The following ACOXL variants were observed in gnomAD, a reference collection of about 807,000 sequenced individuals.
The protein encoded by ACOXL is acyl-CoA oxidase like.
Under a neutral mutation model 71.9 loss-of-function variants are expected in ACOXL, and 70 were observed. That is an observed-to-expected ratio of 0.97 (90% CI 0.80 to 1.19). ACOXL has a LOEUF of 1.19. ACOXL is among the 50% of genes most tolerant of loss of function. The pLI is 0.00. For synonymous variants in ACOXL, 253 were observed against 281.6 expected, an observed-to-expected ratio of 0.90 and a Z score of 1.02; for missense variants, 703 against 736.3, an observed-to-expected ratio of 0.95 and a Z score of 0.52.
At chr2:110,901,642 CCA>C (rs10537484) in intron 10 of ACOXL, among the ~76,000 whole-genome samples, 92,083 of 146,848 alleles carry the variant, frequency 0.63, 28,749 homozygotes, top group Non-Finnish European at 0.66. Flanking sequence ...TATCTCTACG[CCA>C]CACACACACA....
chr2:110,968,318 C>A, intron 12 of ACOXL: 1 of 1,210,130 alleles, frequency 8.3e-7, no homozygotes, highest in South Asian at 1.2e-5. Context: ...TTTTTTGGCT[C>A]CCTGAAGGGA....
intron 14 of ACOXL, among the ~76,000 whole-genome samples, chr2:111,030,434 G>C (rs1410629902): frequency 2.0e-5 from 3 of 152,206 alleles, no homozygotes; most frequent in Non-Finnish European, 4.4e-5. Flanking sequence ...CCCCAGTTAG[G>C]TGTGGATCCC....
chr2:110,904,683 A>G (rs1311357135), intron 10 of ACOXL, among the ~76,000 whole-genome samples: 1 of 152,254 alleles, frequency 6.6e-6, no homozygotes, highest in Non-Finnish European at 1.5e-5. Flanking sequence ...ACACGGGGAA[A>G]CAATAGCATT....
At chr2:110,904,837 G>T (rs915498211) in intron 10 of ACOXL, among the ~76,000 whole-genome samples, 3 of 152,204 alleles carry the variant, frequency 2.0e-5, no homozygotes, top group Non-Finnish European at 4.4e-5. Flanking sequence ...CATAGGATCT[G>T]TCTGTCCTGA....
chr2:110,962,685 G>C (rs771906754), intron 12 of ACOXL, among the ~76,000 whole-genome samples: 3 of 152,242 alleles, frequency 2.0e-5, no homozygotes, highest in Non-Finnish European at 2.9e-5. Flanking sequence ...AAGGTACCTG[G>C]AGATTCAAGA....
intron 9 of ACOXL, among the ~76,000 whole-genome samples, chr2:110,835,654 A>T (rs1690362605): frequency 6.6e-6 from 1 of 152,200 alleles, no homozygotes; most frequent in African/African-American, 2.4e-5. Context: ...CATTAAGAGG[A>T]CATAAAATGT....
At chr2:111,035,355 A>G (rs2065462082) in intron 15 of ACOXL, among the ~76,000 whole-genome samples, 1 of 152,258 alleles carries the variant, frequency 6.6e-6, no homozygotes, top group South Asian at 2.1e-4. Flanking sequence ...TAACTGTTAC[A>G]ATGATAAATC....
intron 15 of ACOXL, among the ~76,000 whole-genome samples, chr2:111,043,969 G>A (rs2065901475): frequency 6.6e-6 from 1 of 152,162 alleles, no homozygotes; most frequent in Non-Finnish European, 1.5e-5. Context: ...TTCCCTACCA[G>A]GAAGGAGCCT....
intron 16 of ACOXL, among the ~76,000 whole-genome samples, chr2:111,088,403 T>C (rs1574723894): frequency 6.6e-6 from 1 of 152,310 alleles, no homozygotes; most frequent in East Asian, 1.9e-4. Flanking sequence ...TAAATGCCCA[T>C]TAATGGTAGG....
At chr2:111,105,094 CT>C (rs2069444139) in intron 17 of ACOXL, among the ~76,000 whole-genome samples, 1 of 152,064 alleles carries the variant, frequency 6.6e-6, no homozygotes, top group African/African-American at 2.4e-5. Context: ...GTTGAAAAGG[CT>C]ATATTTCCCA....
At chr2:110,841,705 G>C (rs10210955) in intron 10 of ACOXL, among the ~76,000 whole-genome samples, 69,438 of 151,954 alleles carry the variant, frequency 0.46, 16,315 homozygotes, top group South Asian at 0.55. Context: ...CTTAAAGAGT[G>C]CCTGAAAACG....
chr2:110,961,955 G>C (rs754385016), intron 12 of ACOXL, among the ~76,000 whole-genome samples: 1 of 152,330 alleles, frequency 6.6e-6, no homozygotes, highest in Middle Eastern at 3.4e-3. Context: ...CCCATGACAC[G>C]TGGGGATTAT....
At chr2:111,053,201 T>C (rs1319828726) in intron 16 of ACOXL, among the ~76,000 whole-genome samples, 1 of 152,196 alleles carries the variant, frequency 6.6e-6, no homozygotes, top group Non-Finnish European at 1.5e-5. Flanking sequence ...CTAAATATGC[T>C]TGAGAATGAA....
intron 10 of ACOXL, among the ~76,000 whole-genome samples, chr2:110,876,657 C>G (rs563507661): frequency 6.6e-6 from 1 of 152,146 alleles, no homozygotes; most frequent in Admixed American, 6.5e-5. Context: ...AATGGCGGCT[C>G]GGGGTCAGGT....
intron 11 of ACOXL, among the ~76,000 whole-genome samples, chr2:110,910,288 A>G (rs2059606710): frequency 6.6e-6 from 1 of 152,172 alleles, no homozygotes; most frequent in Non-Finnish European, 1.5e-5. Context: ...GAAGGTCTTG[A>G]TGTTCCTCAA....
intron 16 of ACOXL, among the ~76,000 whole-genome samples, chr2:111,092,169 G>A (rs144393314): frequency 7.1e-4 from 108 of 152,256 alleles, no homozygotes; most frequent in African/African-American, 2.4e-3. Flanking sequence ...AACAGGATTC[G>A]CGATGAGTGG....
At chr2:110,829,221 C>A (rs1348434283) in intron 9 of ACOXL, among the ~76,000 whole-genome samples, 1 of 152,048 alleles carries the variant, frequency 6.6e-6, no homozygotes, top group African/African-American at 2.4e-5. Flanking sequence ...TTTTTGTGTC[C>A]TTTGTAGTTT....
At chr2:110,920,536 C>A (rs984177134) in intron 11 of ACOXL, among the ~76,000 whole-genome samples, 2 of 151,956 alleles carry the variant, frequency 1.3e-5, no homozygotes, top group African/African-American at 4.8e-5. Context: ...TTTTAAAATT[C>A]TCTTAAGAGT....
rs142770427 is a variant in ACOXL, at chr2:110,962,822, C to T, written c.1060-24286C>T. Among the ~76,000 whole-genome samples the T allele has an allele frequency of 1.9e-3, 285 of 152,342 alleles. 1 individual carries two copies. Among genetic ancestry groups the T allele is most frequent in the East Asian group, 0.011 (55 of 5,188 alleles). On this transcript the variant is annotated intron_variant, in intron 12 of 17. Transcript: ENST00000439055. ...GAAGTAACAGGACAGTCAGCTCTGA[C>T]GTGACTGACACAGGCAGAAGTGATT...
Sources: allele counts gnomAD v4.1 joint callset (sites outside exome capture counted in the v4.1 genomes callset), GRCh38; gene constraint gnomAD v4.1.1; transcripts MANE v1.5; gene names NCBI Gene and HGNC (gene_info 2026-07-23, HGNC 2026-07-21).